ACER2: variants seen among roughly 807,000 people sequenced by gnomAD.
The protein encoded by ACER2 is alkCDase 2.
Under a neutral mutation model 34.7 loss-of-function variants are expected in ACER2, and 26 were observed. The observed-to-expected ratio is 0.75, with a 90% CI of 0.55 to 1.04. The LOEUF is 1.04. Ranked by LOEUF, ACER2 falls within the 50% of genes least tolerant of loss-of-function variation. The pLI, the probability that ACER2 is intolerant of heterozygous loss-of-function variation, is 0.00. For synonymous variants in ACER2, 138 were observed against 132.1 expected, an observed-to-expected ratio of 1.04 and a Z score of -0.31; for missense variants, 352 against 340.8, an observed-to-expected ratio of 1.03 and a Z score of -0.26.
chr9:19,446,385 C>T lies in ACER2; in HGVS notation c.608C>T (p.Ser203Leu). The change falls in exon 5 of 6, where the codon TCA (serine) becomes TTA (leucine). Residue 203 changes from serine (S) to leucine (L), a missense_variant. Ser to Leu is a moderately radical substitution (Grantham distance 145). Transcript: ENST00000340967. The stretch of plus-strand genomic sequence containing the variant: ...GACCGAGCTTTCTGCGAGCTGCTGT[C>T]ATCCTTCAACTTCCCCTACCTGCAC... Reference protein sequence around the residue: ...ISDRAFCELLSSFNFPYLHCM... With the variant: ...ISDRAFCELLLSFNFPYLHCM... 1.2e-6 allele frequency: 2 copies of T among 1,614,168 alleles called. No individual in the cohort carries two copies. Among genetic ancestry groups the T allele is most frequent in the Non-Finnish European group, 1.7e-6 (2 of 1,180,040 alleles).
At position 19,411,140 on chromosome 9, in the gene ACER2, C is replaced by T. The variant is rs1198828995; in HGVS notation, c.108+1948C>T. ...ACTTTTAATCTAGTCCCATTGGAGC[C>T]GTTACTCTATGTAGTGAGTGCTAAA... On this transcript the variant is annotated intron_variant, in intron 1 of 5. Transcript: ENST00000340967. Among the ~76,000 whole-genome samples, 4 of 152,120 alleles carry T rather than the reference C, an allele frequency of 2.6e-5. No individual in the cohort carries two copies. The South Asian group carries it at 6.2e-4, about 24-fold the overall frequency.
At chr9:19,436,676 C>A (rs1461287062) in intron 4 of ACER2, among the ~76,000 whole-genome samples, 2 of 152,040 alleles carry the variant, frequency 1.3e-5, no homozygotes, top group East Asian at 3.8e-4. Flanking sequence ...GATCTAGGTC[C>A]TCGTTTTAAA....
chr9:19,423,737 G>T (rs902777237), intron 1 of ACER2, 125 bp from the exon 2 acceptor site: 18 of 705,412 alleles, frequency 2.6e-5, no homozygotes, highest in Non-Finnish European at 4.5e-5. Flanking sequence ...AAAAGTGCAA[G>T]AGCTTAAACG....
At chr9:19,409,340 C>T in intron 1 of ACER2, 148 bp downstream of exon 1, 1 of 707,378 alleles carries the variant, frequency 1.4e-6, no homozygotes, top group Non-Finnish European at 2.3e-6. Context: ...CCCTCCTCGG[C>T]GCGCTCCTTT....
At chr9:19,441,101 G>T (rs1370316432) in intron 4 of ACER2, among the ~76,000 whole-genome samples, 1 of 147,662 alleles carries the variant, frequency 6.8e-6, no homozygotes, top group Non-Finnish European at 1.5e-5. Flanking sequence ...AGGCTGGAGT[G>T]CAGTGGCATG....
intron 2 of ACER2, 56 bp from the exon 3 acceptor site, chr9:19,424,644 T>C (rs1199870961): frequency 1.2e-6 from 2 of 1,607,708 alleles, no homozygotes; most frequent in Non-Finnish European, 1.7e-6. Flanking sequence ...AAGCAGTGTA[T>C]TGAATTTGTG....
rs138895047 is a variant in ACER2 at position 19,439,373 on chromosome 9, C to T, written c.503+4289C>T. On this transcript the variant is annotated intron_variant, in intron 4 of 5. Coordinates refer to ENST00000340967, the MANE Select transcript of ACER2 (RefSeq NM_001010887.3). ...TTTTTTTTTTGGAGACGTAGTCTCG[C>T]TCTGTCACCCAGGCTGGAGTGCAGT... 7.4e-3 allele frequency among the ~76,000 whole-genome samples: 1,079 copies of T among 146,428 alleles called. 24 individuals carry two copies. The highest frequency in any genetic ancestry group is 0.071 in the East Asian group (355 of 5,030).
intron 4 of ACER2, among the ~76,000 whole-genome samples, chr9:19,442,785 A>G (rs1418345152): frequency 1.3e-5 from 2 of 149,362 alleles, no homozygotes; most frequent in Non-Finnish European, 1.5e-5. Context: ...CAAGAGGCCT[A>G]TTTATTTTGT....
intron 1 of ACER2, among the ~76,000 whole-genome samples, chr9:19,409,515 G>C (rs1228616418): frequency 1.3e-5 from 2 of 152,012 alleles, no homozygotes; most frequent in Admixed American, 1.3e-4. Flanking sequence ...GGTCAGCTGG[G>C]GGCGGTGAAC....
intron 1 of ACER2, among the ~76,000 whole-genome samples, chr9:19,411,793 T>C (rs1181555617): frequency 6.6e-6 from 1 of 152,208 alleles, no homozygotes; most frequent in Non-Finnish European, 1.5e-5. Context: ...TCTAGAACCT[T>C]CTTAATGGGT....
At chr9:19,444,873 G>T (rs962545734) in intron 4 of ACER2, among the ~76,000 whole-genome samples, 1 of 152,210 alleles carries the variant, frequency 6.6e-6, no homozygotes, top group Non-Finnish European at 1.5e-5. Context: ...AACTTTTCAA[G>T]GGATGTATTT....
chr9:19,423,302 G>T (rs1830463354), intron 1 of ACER2, among the ~76,000 whole-genome samples: 1 of 152,196 alleles, frequency 6.6e-6, no homozygotes, highest in South Asian at 2.1e-4. Flanking sequence ...TCCATAGACT[G>T]CAGTGTTTTT....
At chr9:19,421,007 A>C (rs1237334177) in intron 1 of ACER2, among the ~76,000 whole-genome samples, 3 of 152,224 alleles carry the variant, frequency 2.0e-5, no homozygotes, top group Non-Finnish European at 4.4e-5. Flanking sequence ...ACACAAATCT[A>C]GATGGTATAG....
rs965608710 is a variant in ACER2 at position 19,415,342 on chromosome 9, A to G, written c.108+6150A>G. On this transcript the variant is annotated intron_variant, in intron 1 of 5. Transcript: ENST00000340967. ...CTCGTCTCTACTGAAAATACAAAAAATTAGATGGGCATGATGGCACTTACC... is the reference window on the plus strand; with the variant it reads ...CTCGTCTCTACTGAAAATACAAAAAGTTAGATGGGCATGATGGCACTTACC... Among the ~76,000 whole-genome samples, 6 of 151,982 alleles carry G rather than the reference A, an allele frequency of 3.9e-5. No individual in the cohort carries two copies. In the East Asian group the frequency reaches 9.7e-4, roughly 24 times the overall value.
At chr9:19,428,848 G>T (rs1589048423) in intron 3 of ACER2, among the ~76,000 whole-genome samples, 2 of 141,184 alleles carry the variant, frequency 1.4e-5, no homozygotes, top group South Asian at 4.6e-4. Flanking sequence ...AGAGAGCGGT[G>T]GTGCGATCTT....
intron 4 of ACER2, 135 bp from the exon 5 acceptor site, chr9:19,446,146 G>T: frequency 8.2e-7 from 1 of 1,223,662 alleles, no homozygotes; most frequent in Non-Finnish European, 1.2e-6. Context: ...TGGAGTGACT[G>T]TGTGTTGGGT....
chr9:19,420,432 C>T (rs774540714), intron 1 of ACER2, among the ~76,000 whole-genome samples: 16 of 152,114 alleles, frequency 1.1e-4, no homozygotes, highest in Non-Finnish European at 2.2e-4. Context: ...ACAAGGAGCC[C>T]CTCACTCCAC....
At chr9:19,433,173 T>A (rs7873341) in intron 3 of ACER2, among the ~76,000 whole-genome samples, 24,324 of 81,214 alleles carry the variant, frequency 0.3, 2,183 homozygotes, top group African/African-American at 0.38. Context: ...TTTTTTTTTT[T>A]ATTGATCATT....
chr9:19,446,492 C>T, intron 5 of ACER2, 74 bp downstream of exon 5: 2 of 1,601,030 alleles, frequency 1.2e-6, no homozygotes, highest in Non-Finnish European at 1.7e-6. Flanking sequence ...GTTCACCCTG[C>T]AAGTGGTGCA....
Sources: gnomAD v4.1 joint callset for allele counts (sites outside exome capture counted in the v4.1 genomes callset) on GRCh38, gnomAD v4.1.1 for gene constraint, MANE v1.5 for transcripts, NCBI Gene and HGNC (gene_info 2026-07-23, HGNC 2026-07-21) for gene names.